The following SEMA4D variants were observed in gnomAD, a reference collection of about 807,000 sequenced individuals.
SEMA4D encodes semaphorin 4D.
In SEMA4D, 22 loss-of-function variants were observed where a neutral mutation model predicts 74.8. The observed-to-expected ratio is 0.29, with a 90% CI of 0.21 to 0.42. The LOEUF is 0.42. Ranked by LOEUF, SEMA4D falls within the 10% of genes least tolerant of loss-of-function variation. SEMA4D has a pLI of 1.00. For missense variants in SEMA4D, 937 were observed against 1,118.4 expected, an observed-to-expected ratio of 0.84 and a Z score of 2.31; for synonymous variants, 445 against 463.7, an observed-to-expected ratio of 0.96 and a Z score of 0.52.
rs556115614 is a variant in SEMA4D at position 89,469,424 on chromosome 9, A to G, written c.-309-13471T>C. On this transcript the variant is annotated intron_variant, in intron 1 of 15. Transcript: ENST00000422704. ...AGGAGGAAAAAACATTTCCCAACTT[A>G]AATGAGGCTAGCACTACCCTGATAG... is the stretch of plus-strand genomic sequence containing the variant. Among the ~76,000 whole-genome samples the G allele has an allele frequency of 5.9e-5, 9 of 152,366 alleles. No individual in the cohort carries two copies. The East Asian group carries it at 1.7e-3, about 29-fold the overall frequency.
At chr9:89,386,079 G>C (rs1838402952) in intron 13 of SEMA4D, 1 of 985,418 alleles carries the variant, frequency 1.0e-6, no homozygotes, top group South Asian at 4.7e-5. Flanking sequence ...TCATGGAGCA[G>C]TGCCCACCTC....
At chr9:89,441,681 GGCT>G (rs1851691426) in intron 2 of SEMA4D, among the ~76,000 whole-genome samples, 1 of 152,206 alleles carries the variant, frequency 6.6e-6, no homozygotes, top group Non-Finnish European at 1.5e-5. Flanking sequence ...TGGAGGCTGT[GGCT>G]GCTTTGTCCC....
intron 2 of SEMA4D, among the ~76,000 whole-genome samples, chr9:89,412,093 C>T (rs889525467): frequency 2.0e-5 from 3 of 152,138 alleles, no homozygotes; most frequent in Non-Finnish European, 4.4e-5. Context: ...ACTCCATCCC[C>T]CTCTGTGGTA....
Position 89,411,448 on chromosome 9 carries a change from T to C in SEMA4D, c.-243-5749A>G, listed in dbSNP as rs973287486. ...TCCTGTCTTCCATCATAACACAACA[T>C]CTAAGATGGGAAAGTCAGGAAATGT... On this transcript the variant is annotated intron_variant, in intron 2 of 15. Transcript: ENST00000422704. Among the ~76,000 whole-genome samples the C allele has an allele frequency of 2.6e-5, 4 of 151,858 alleles. No homozygotes were observed. The South Asian group carries it at 8.3e-4, about 32-fold the overall frequency.
chr9:89,481,659 C>T (rs1824702658), intron 1 of SEMA4D, among the ~76,000 whole-genome samples: 1 of 152,196 alleles, frequency 6.6e-6, no homozygotes, highest in African/African-American at 2.4e-5. Flanking sequence ...AGAAGAAGAC[C>T]CTGGGTGAGC....
intron 2 of SEMA4D, among the ~76,000 whole-genome samples, chr9:89,436,761 C>G (rs1850511760): frequency 6.6e-6 from 1 of 152,226 alleles, no homozygotes; most frequent in South Asian, 2.1e-4. Flanking sequence ...GCCCAGCACC[C>G]AAGCCATGCA....
Position 89,388,730 on chromosome 9 carries a change from G to T in SEMA4D, c.1013C>A (p.Ser338Tyr). 1.2e-6 allele frequency: 2 copies of T among 1,611,038 alleles called. No individual in the cohort carries two copies. Among genetic ancestry groups the T allele is most frequent in the Non-Finnish European group, 1.7e-6 (2 of 1,179,272 alleles). The change falls in exon 11 of 16, where the codon TCC becomes TAC. Residue 338 changes from serine to tyrosine, a missense_variant. Physicochemically the swap from Ser to Tyr is moderately radical, Grantham distance 144 (BLOSUM62 -2). Transcript: ENST00000422704. ...GGTGCTCTGCATGTACTTCCCGTGG[G>T]AGAAGACCTCCTCGGCTGTGGACAG... ...YNLSTAEEVF[S>Y]HGKYMQSTTV...
chr9:89,394,281 CCA>C (rs770760956), intron 6 of SEMA4D, among the ~76,000 whole-genome samples: 6 of 152,150 alleles, frequency 3.9e-5, no homozygotes, highest in Non-Finnish European at 8.8e-5. Context: ...ACAGATCCAA[CCA>C]CAGAGAGAAC....
rs577951708 is a variant in SEMA4D, at chr9:89,454,800, G to A, written c.-244+1088C>T. On this transcript the variant is annotated intron_variant, in intron 2 of 15. Transcript: ENST00000422704. Reference sequence around the variant, plus strand: ...CAGCCCAGGCCACCCTCGGGGTGGCGAAGAGACACAGCCATGCCACAGCAC... The same window carrying A: ...CAGCCCAGGCCACCCTCGGGGTGGCAAAGAGACACAGCCATGCCACAGCAC... 3.9e-5 allele frequency among the ~76,000 whole-genome samples: 6 copies of A among 152,266 alleles called. No homozygotes were observed. The South Asian group carries it at 6.2e-4, about 16-fold the overall frequency.
chr9:89,412,412 G>A (rs1395748406), intron 2 of SEMA4D, among the ~76,000 whole-genome samples: 1 of 152,254 alleles, frequency 6.6e-6, no homozygotes, highest in African/African-American at 2.4e-5. Context: ...AGGTTCTCCT[G>A]TGTGGCTTTA....
intron 2 of SEMA4D, among the ~76,000 whole-genome samples, chr9:89,434,887 G>A (rs1850062624): frequency 6.6e-6 from 1 of 152,182 alleles, no homozygotes; most frequent in Non-Finnish European, 1.5e-5. Flanking sequence ...AGGGGCCACT[G>A]CACCTCCCAG....
chr9:89,427,009 C>T (rs79100129), intron 2 of SEMA4D, among the ~76,000 whole-genome samples: 2,750 of 152,290 alleles, frequency 0.018, 41 homozygotes, highest in Non-Finnish European at 0.028. Context: ...ACAATTACTG[C>T]CCATATGGAT....
chr9:89,459,227 G>A (rs2135633035), intron 1 of SEMA4D, among the ~76,000 whole-genome samples: 1 of 151,890 alleles, frequency 6.6e-6, no homozygotes, highest in East Asian at 1.9e-4. Context: ...GCCCCAGTTG[G>A]AGCCCCAGTC....
intron 2 of SEMA4D, chr9:89,436,670 G>A (rs1484803565): frequency 6.5e-6 from 1 of 152,738 alleles, no homozygotes; most frequent in Non-Finnish European, 1.5e-5. Flanking sequence ...GGCTAATTCA[G>A]GGGCTCGTGG....
At chr9:89,416,155 G>A (rs1845660441) in intron 2 of SEMA4D, among the ~76,000 whole-genome samples, 1 of 152,194 alleles carries the variant, frequency 6.6e-6, no homozygotes, top group African/African-American at 2.4e-5. Flanking sequence ...GCTAGTTAGT[G>A]CTGGGAAGGT....
At chr9:89,396,641 TA>T in intron 6 of SEMA4D, 95 bp downstream of exon 6, 1 of 1,013,570 alleles carries the variant, frequency 9.9e-7, no homozygotes. Flanking sequence ...TATTTTTTTT[TA>T]GGGTGGAGAC....
chr9:89,396,435 G>A (rs952994301), intron 6 of SEMA4D, among the ~76,000 whole-genome samples: 2 of 152,112 alleles, frequency 1.3e-5, no homozygotes, highest in African/African-American at 4.8e-5. Context: ...TTTCCAGCAC[G>A]CCCCTCCATG....
At chr9:89,489,725 T>C (rs566603127) in intron 1 of SEMA4D, among the ~76,000 whole-genome samples, 2 of 152,382 alleles carry the variant, frequency 1.3e-5, no homozygotes, top group Non-Finnish European at 2.9e-5. Context: ...TGTATGAATA[T>C]ACCACATTTA....
intron 2 of SEMA4D, 97 bp from the exon 3 acceptor site, chr9:89,405,796 C>T (rs905886475): frequency 8.5e-6 from 11 of 1,297,666 alleles, no homozygotes; most frequent in Admixed American, 7.3e-5. Flanking sequence ...GATCCTCACC[C>T]GGGTCCATCT....
Sources: gnomAD v4.1 joint callset for allele counts (sites outside exome capture counted in the v4.1 genomes callset) on GRCh38, gnomAD v4.1.1 for gene constraint, MANE v1.5 for transcripts, NCBI Gene and HGNC (gene_info 2026-07-23, HGNC 2026-07-21) for gene names.